The following AVIL variants were observed in gnomAD, a reference collection of about 807,000 sequenced individuals.
AVIL encodes advillin.
A neutral mutation model predicts 109.9 loss-of-function variants in AVIL; 78 were observed. That is an observed-to-expected ratio of 0.71 (90% CI 0.59 to 0.86). The LOEUF (loss-of-function observed/expected upper bound fraction) is 0.86. Among genes scored for constraint, AVIL ranks in the 40% least tolerant of loss-of-function variants. AVIL has a pLI of 0.00. For synonymous variants in AVIL, 367 were observed against 379.1 expected (o/e 0.97, Z 0.37); for missense variants, 892 against 1,016.5 (o/e 0.88, Z 1.67).
rs1956006403 is a variant in AVIL, at chr12:57,809,581, C to T, written c.939+16G>A. 1.2e-6 allele frequency: 2 copies of T among 1,613,718 alleles called. No individual in the cohort carries two copies. The highest frequency in any genetic ancestry group is 2.7e-5 in the African/African-American group (2 of 74,936). On this transcript the variant is annotated intron_variant, in intron 9 of 19. Transcript: ENST00000549994. ...GCAGAATTATTTGAACAGTATTGCA[C>T]ATCTGTAGCTCCTACCAGCGCTTTA...
At chr12:57,810,977 G>A in intron 5 of AVIL, 42 bp downstream of exon 5, 2 of 1,613,586 alleles carry the variant, frequency 1.2e-6, no homozygotes, top group Non-Finnish European at 1.7e-6. Context: ...GGTGCCAGGT[G>A]GAGAAGCCCC....
chr12:57,818,182 C>CTTT lies in AVIL; in HGVS notation c.-20+444_-20+446dup, dbSNP rs66731427. Among the ~76,000 whole-genome samples the CTTT allele has an allele frequency of 7.7e-4, 27 of 35,272 alleles. 2 individuals are homozygous for CTTT. Among genetic ancestry groups the CTTT allele is most frequent in the Non-Finnish European group, 1.0e-3 (19 of 18,988 alleles). The allele number at this position is 35,272 out of a possible 152,430, so 23.1% of individuals were successfully genotyped here. A position where few individuals can be genotyped will look rare whatever the true frequency, so the allele number is the denominator to read the frequency against. ...CACAGGTGTGCACCACCATGCTTGG[C>CTTT]TTTTTTTTTTTTTTTTTTTTTTTTT... is the stretch of plus-strand genomic sequence containing the variant. On this transcript the variant is annotated intron_variant, in intron 1 of 19. Coordinates refer to ENST00000549994, the MANE Select transcript of AVIL (RefSeq NM_006576.4).
At chr12:57,808,065 A>G (rs551999909) in intron 11 of AVIL, 129 bp downstream of exon 11, 4 of 1,087,134 alleles carry the variant, frequency 3.7e-6, no homozygotes, top group East Asian at 4.7e-5. Flanking sequence ...ACTCTTAAAG[A>G]AGACTCCTGA....
At chr12:57,816,848 T>G (rs1595179624) in intron 1 of AVIL, among the ~76,000 whole-genome samples, 1 of 151,816 alleles carries the variant, frequency 6.6e-6, no homozygotes, top group Non-Finnish European at 1.5e-5. Context: ...GGGTTCTGGG[T>G]GCTAGCAGGG....
At position 57,806,524 on chromosome 12, in the gene AVIL, TC is replaced by T; in HGVS notation, c.1506del (p.Lys503ArgfsTer10). ...GGAGGGTCAGGCTCGGCATTTCCCT[TC>T]CTGGAAGTCCCACCCTAGAGAGAAG... Reference protein sequence around the residue: ...KLVIFEGGTSRKGNAEPDPPV... With the variant: ...KLVIFEGGTSXKGNAEPDPPV... On this transcript the variant is annotated frameshift_variant, in exon 14 of 20. Coordinates refer to ENST00000549994, the MANE Select transcript of AVIL (RefSeq NM_006576.4). LOFTEE classifies it high-confidence loss of function. 6.2e-7 allele frequency: 1 copy of T among 1,614,140 alleles called. No individual in the cohort carries two copies. Among genetic ancestry groups the T allele is most frequent in the Non-Finnish European group, 8.5e-7 (1 of 1,180,018 alleles).
chr12:57,801,105 C>A (rs1170245937), intron 18 of AVIL, 39 bp downstream of exon 18: 2 of 1,576,204 alleles, frequency 1.3e-6, no homozygotes, highest in Admixed American at 1.7e-5. Flanking sequence ...CTCTGGTTGC[C>A]CATGTGGCTG....
At chr12:57,817,312 C>G (rs117269622) in intron 1 of AVIL, among the ~76,000 whole-genome samples, 1 of 150,564 alleles carries the variant, frequency 6.6e-6, no homozygotes, top group Non-Finnish European at 1.5e-5. Flanking sequence ...CATGTCTGAC[C>G]ATTGTTTTCT....
At chr12:57,803,020 A>G (rs545421293) in intron 16 of AVIL, among the ~76,000 whole-genome samples, 1 of 152,336 alleles carries the variant, frequency 6.6e-6, no homozygotes, top group African/African-American at 2.4e-5. Flanking sequence ...ATTTTTCCAA[A>G]GCAAGGTGGG....
Position 57,806,345 on chromosome 12 carries a change from G to A in AVIL, c.1671+15C>T, listed in dbSNP as rs1040352926. Reference sequence around the variant, plus strand: ...CTCCGAGGGGCTGGTCTGACCCGGGGCCCAGCCATCCTACCTTGCCATACC... The same window carrying A: ...CTCCGAGGGGCTGGTCTGACCCGGGACCCAGCCATCCTACCTTGCCATACC... On this transcript the variant is annotated intron_variant, in intron 14 of 19. Coordinates refer to ENST00000549994, the MANE Select transcript of AVIL (RefSeq NM_006576.4). 11 of 1,613,802 alleles carry A rather than the reference G, an allele frequency of 6.8e-6. No homozygotes were observed. The highest frequency in any genetic ancestry group is 2.7e-5 in the African/African-American group (2 of 74,970).
At chr12:57,815,109 T>G (rs909999706) in intron 2 of AVIL, among the ~76,000 whole-genome samples, 2 of 152,146 alleles carry the variant, frequency 1.3e-5, no homozygotes, top group African/African-American at 4.8e-5. Context: ...CCTGCCACCA[T>G]GCCCAGCTAA....
intron 1 of AVIL, among the ~76,000 whole-genome samples, chr12:57,818,181 G>GCCTTTTTT (rs1730672464): frequency 3.4e-5 from 2 of 59,384 alleles, no homozygotes; most frequent in African/African-American, 1.1e-4. Flanking sequence ...ACCATGCTTG[G>GCCTTTTTT]CTTTTTTTTT....
chr12:57,815,668 C>A, intron 2 of AVIL: 1 of 1,355,738 alleles, frequency 7.4e-7, no homozygotes, highest in Non-Finnish European at 9.6e-7. Context: ...CTGAGTAGGT[C>A]CCACCTGTCT....
In AVIL at chr12:57,801,168, A is replaced by C. The variant is rs141546672; in HGVS notation, c.2196T>G (p.Ala732=). 258 of 1,613,692 alleles carry C rather than the reference A, an allele frequency of 1.6e-4. No homozygotes were observed. The highest frequency in any genetic ancestry group is 2.1e-4 in the Non-Finnish European group (244 of 1,179,862). Residue 732 remains alanine (A), a synonymous_variant, in exon 18 of 20, where the codon GCT becomes GCG. Coordinates refer to ENST00000549994, the MANE Select transcript of AVIL (RefSeq NM_006576.4). ...YEQLKEELGD[A]AAIMRITADM... is the part of the protein sequence containing the mutation. Reference sequence around the variant, plus strand: ...CAGCAGTGATTCGCATGATAGCAGCAGCATCTCCCAGCTCTTCTTTTAATT... The same window carrying C: ...CAGCAGTGATTCGCATGATAGCAGCCGCATCTCCCAGCTCTTCTTTTAATT...
chr12:57,808,042 A>G, intron 11 of AVIL, 152 bp downstream of exon 11: 4 of 923,662 alleles, frequency 4.3e-6, no homozygotes, highest in Non-Finnish European at 7.0e-6. Flanking sequence ...TGAAAACTCT[A>G]CAGACTCACA....
Position 57,808,429 on chromosome 12 carries a change from C to T in AVIL, c.1059G>A (p.Met353Ile). 6.2e-7 allele frequency: 1 copy of T among 1,614,198 alleles called. No individual in the cohort carries two copies. Among genetic ancestry groups the T allele is most frequent in the Admixed American group, 1.7e-5 (1 of 60,020 alleles). ...FQKWSVKDQT[M>I]GLGKTFSIGK... ...CAATGCTGAACGTTTTCCCCAGGCC[C>T]ATGGTCTGGTCCTTTACTGACCACT... is the stretch of plus-strand genomic sequence containing the variant. Residue 353 changes from methionine to isoleucine, a missense_variant, in exon 10 of 20, where the codon ATG (methionine) becomes ATA (isoleucine). Physicochemically the swap from Met to Ile is conservative, Grantham distance 10. Transcript: ENST00000549994.
In AVIL at chr12:57,803,269, A is replaced by C. The variant is rs760892601; in HGVS notation, c.1940T>G (p.Met647Arg). The C allele has an allele frequency of 2.5e-6, 4 of 1,614,162 alleles. No individual in the cohort carries two copies. The East Asian group carries it at 8.9e-5, about 36-fold the overall frequency. ...TQDDLNPTDVMLLDTWDQVFL... is the reference protein window; with the variant it reads ...TQDDLNPTDVRLLDTWDQVFL... ...TACCTGGTCCCAGGTATCTAGGAGC[A>C]TCACGTCAGTAGGGTTCAGGTCATC... The change falls in exon 16 of 20, where the codon ATG becomes AGG. Residue 647 changes from methionine (M) to arginine (R), a missense_variant. Physicochemically the swap from Met to Arg is moderately conservative, Grantham distance 91. Coordinates refer to ENST00000549994, the MANE Select transcript of AVIL (RefSeq NM_006576.4).
intron 2 of AVIL, 92 bp from the exon 3 acceptor site, chr12:57,814,318 G>A: frequency 1.6e-6 from 2 of 1,287,566 alleles, no homozygotes; most frequent in East Asian, 2.5e-5. Flanking sequence ...GGTGCAGGTG[G>A]TGGGGAGAAG....
intron 19 of AVIL, among the ~76,000 whole-genome samples, chr12:57,798,356 C>T (rs1011433816): frequency 3.9e-5 from 6 of 152,126 alleles, no homozygotes; most frequent in African/African-American, 7.2e-5. Context: ...GTTTTCTGCC[C>T]GTAACTACCA....
At chr12:57,805,346 C>T (rs976176568) in intron 14 of AVIL, among the ~76,000 whole-genome samples, 21 of 151,768 alleles carry the variant, frequency 1.4e-4, no homozygotes, top group South Asian at 1.0e-3. Flanking sequence ...CGTGAGCCAC[C>T]GCGCCCGGCC....
Sources: allele counts gnomAD v4.1 joint callset (sites outside exome capture counted in the v4.1 genomes callset), GRCh38; gene constraint gnomAD v4.1.1; transcripts MANE v1.5; gene names NCBI Gene and HGNC (gene_info 2026-07-23, HGNC 2026-07-21).